MAD1L1: variants seen among roughly 807,000 people sequenced by gnomAD.
MAD1L1 encodes mitotic spindle assembly checkpoint protein MAD1.
Under a neutral mutation model 96.9 loss-of-function variants are expected in MAD1L1, and 95 were observed. That is an observed-to-expected ratio of 0.98 (90% CI 0.83 to 1.16). The LOEUF (loss-of-function observed/expected upper bound fraction) is 1.16, where lower values mean the gene tolerates loss of function less well. Ranked by LOEUF, MAD1L1 falls within the 50% of genes most tolerant of loss-of-function variation. The pLI, the probability that MAD1L1 is intolerant of heterozygous loss-of-function variation, is 0.00. For synonymous variants in MAD1L1, 473 were observed against 396.6 expected (o/e 1.19, Z -2.29); for missense variants, 1,007 against 954.4 (o/e 1.06, Z -0.73).
At chr7:2,216,056 G>C (rs933562443) in intron 8 of MAD1L1, 57 bp from the exon 9 acceptor site, 1 of 1,610,790 alleles carries the variant, frequency 6.2e-7, no homozygotes. Flanking sequence ...ATAAGGCCAA[G>C]AGCCCGGGAG....
At chr7:1,988,022 G>A (rs1781236270) in intron 14 of MAD1L1, among the ~76,000 whole-genome samples, 1 of 152,208 alleles carries the variant, frequency 6.6e-6, no homozygotes, top group African/African-American at 2.4e-5. Flanking sequence ...AGGACCTGTA[G>A]AACACCTACT....
intron 12 of MAD1L1, among the ~76,000 whole-genome samples, chr7:2,060,380 G>A (rs536925465): frequency 1.4e-4 from 21 of 151,214 alleles, no homozygotes; most frequent in Admixed American, 3.3e-4. Context: ...CACCGATGCC[G>A]AGATGTCAAG....
rs2128511289 is a variant in MAD1L1 at position 2,042,113 on chromosome 7, ACACACGCAGACACACATG to A, written c.1218+27063_1218+27080del. Among the ~76,000 whole-genome samples the A allele has an allele frequency of 1.3e-5, 2 of 152,108 alleles. 1 individual carries two copies. Among genetic ancestry groups the A allele is most frequent in the South Asian group, 4.2e-4 (2 of 4,816 alleles). On this transcript the variant is annotated intron_variant, in intron 12 of 18. Transcript: ENST00000265854. ...CATCCACACACGCACATGTGCACAC[ACACACGCAGACACACATG>A]CACACGGACATGCAGACATGCACAC...
intron 18 of MAD1L1, among the ~76,000 whole-genome samples, chr7:1,860,680 T>G (rs1784502299): frequency 6.6e-6 from 1 of 152,196 alleles, no homozygotes; most frequent in Non-Finnish European, 1.5e-5. Flanking sequence ...TGCACCCACA[T>G]GGCTGCCGGC....
At chr7:1,852,185 G>A (rs1784013642) in intron 18 of MAD1L1, among the ~76,000 whole-genome samples, 1 of 152,220 alleles carries the variant, frequency 6.6e-6, no homozygotes, top group Non-Finnish European at 1.5e-5. Flanking sequence ...CACAGGTTGG[G>A]ATGGACGTGA....
At chr7:1,922,324 G>A (rs750899694) in intron 17 of MAD1L1, among the ~76,000 whole-genome samples, 15 of 152,266 alleles carry the variant, frequency 9.9e-5, no homozygotes, top group Non-Finnish European at 1.5e-4. Flanking sequence ...GCAGCTTGCC[G>A]TTGTCGGCGT....
intron 16 of MAD1L1, among the ~76,000 whole-genome samples, chr7:1,938,224 C>T (rs1454652283): frequency 6.9e-6 from 1 of 145,454 alleles, no homozygotes; most frequent in Non-Finnish European, 1.5e-5. Context: ...TGCAGGGTTA[C>T]TGCGCACCCG....
At chr7:1,852,415 C>T (rs895623239) in intron 18 of MAD1L1, among the ~76,000 whole-genome samples, 1 of 152,152 alleles carries the variant, frequency 6.6e-6, no homozygotes, top group Non-Finnish European at 1.5e-5. Flanking sequence ...CTCCAAGGGT[C>T]CCCCTCAATG....
intron 17 of MAD1L1, among the ~76,000 whole-genome samples, chr7:1,931,340 G>T (rs925898903): frequency 2.0e-5 from 3 of 152,264 alleles, no homozygotes; most frequent in African/African-American, 7.2e-5. Context: ...TCTGGAGAAT[G>T]GGGAGGGGAC....
intron 10 of MAD1L1, among the ~76,000 whole-genome samples, chr7:2,152,349 C>T (rs1453127353): frequency 6.6e-6 from 1 of 152,220 alleles, no homozygotes; most frequent in South Asian, 2.1e-4. Context: ...CAACACCTCC[C>T]ACGGGCAGAA....
chr7:1,874,415 C>G (rs985294633), intron 18 of MAD1L1: 8 of 417,696 alleles, frequency 1.9e-5, no homozygotes, highest in Non-Finnish European at 4.7e-6. Flanking sequence ...GGTGGCCAGG[C>G]CGTGACATCG....
At chr7:2,199,791 G>A (rs1050324861) in intron 10 of MAD1L1, among the ~76,000 whole-genome samples, 1 of 152,164 alleles carries the variant, frequency 6.6e-6, no homozygotes, top group South Asian at 2.1e-4. Context: ...CCCAGACTCC[G>A]CGGTAAGGCC....
chr7:1,962,538 T>A (rs1779996123), intron 15 of MAD1L1, among the ~76,000 whole-genome samples: 1 of 152,224 alleles, frequency 6.6e-6, no homozygotes, highest in South Asian at 2.1e-4. Flanking sequence ...GGAGAAAATA[T>A]TTGGAAAGCA....
intron 14 of MAD1L1, among the ~76,000 whole-genome samples, chr7:1,988,452 G>C (rs1484653308): frequency 6.6e-6 from 1 of 152,172 alleles, no homozygotes. Flanking sequence ...CACCAATGCA[G>C]TGACAGGGCA....
Position 2,120,147 on chromosome 7 carries a change from C to G in MAD1L1, c.1073+29005G>C, listed in dbSNP as rs149177780. 8.5e-4 allele frequency among the ~76,000 whole-genome samples: 129 copies of G among 152,372 alleles called. 3 individuals are homozygous for G. The highest frequency in any genetic ancestry group is 3.0e-3 in the African/African-American group (124 of 41,592). On this transcript the variant is annotated intron_variant, in intron 11 of 18. Coordinates refer to ENST00000265854, the MANE Select transcript of MAD1L1 (RefSeq NM_001013836.2). ...GGGTCTATGGTAAGGCCACCTCCCC[C>G]TCTCTTGGCCCTCTCCACCTGCTGG...
intron 14 of MAD1L1, among the ~76,000 whole-genome samples, chr7:1,992,172 C>T (rs1781383013): frequency 6.8e-6 from 1 of 148,036 alleles, no homozygotes; most frequent in South Asian, 2.2e-4. Context: ...CACTGCTGGC[C>T]TCATGAGCAC....
At chr7:2,054,172 T>C (rs1784298922) in intron 12 of MAD1L1, among the ~76,000 whole-genome samples, 2 of 152,240 alleles carry the variant, frequency 1.3e-5, no homozygotes, top group South Asian at 4.1e-4. Context: ...CACCTGGAAC[T>C]GTCCAGAAAG....
intron 11 of MAD1L1, among the ~76,000 whole-genome samples, chr7:2,136,491 A>T (rs1302473702): frequency 1.3e-5 from 2 of 152,226 alleles, no homozygotes; most frequent in Non-Finnish European, 2.9e-5. Flanking sequence ...CTCTTACCCA[A>T]GTTTCCTAAC....
At chr7:1,915,312 G>T (rs994077371) in intron 17 of MAD1L1, among the ~76,000 whole-genome samples, 1 of 152,182 alleles carries the variant, frequency 6.6e-6, no homozygotes, top group South Asian at 2.1e-4. Context: ...CGGGAGGGAC[G>T]GGGAGATGGG....
Sources: allele counts gnomAD v4.1 joint callset (sites outside exome capture counted in the v4.1 genomes callset), GRCh38; gene constraint gnomAD v4.1.1; transcripts MANE v1.5; gene names NCBI Gene and HGNC (gene_info 2026-07-23, HGNC 2026-07-21).